Variants in GK5 observed in about 807,000 individuals in gnomAD.
The protein encoded by GK5 is glycerol kinase 5.
GK5 carries 39 observed loss-of-function variants against 77.3 expected under a neutral mutation model. The ratio of observed to expected loss-of-function variants is 0.50; its 90% CI spans 0.39 to 0.66. The LOEUF is 0.66. Ranked by LOEUF, GK5 falls within the 30% of genes least tolerant of loss-of-function variation. The pLI is 0.00. For synonymous variants in GK5, 211 were observed against 208.0 expected, an observed-to-expected ratio of 1.01 and a Z score of -0.13; for missense variants, 487 against 633.8, an observed-to-expected ratio of 0.77 and a Z score of 2.49.
chr3:142,213,469 G>T, intron 3 of GK5, 57 bp downstream of exon 3: 1 of 983,802 alleles, frequency 1.0e-6, no homozygotes, highest in East Asian at 2.4e-5. Context: ...TTTCATAACC[G>T]TGTACTCACT....
At chr3:142,166,266 GA>G (rs1187607276) in intron 15 of GK5, among the ~76,000 whole-genome samples, 3 of 147,982 alleles carry the variant, frequency 2.0e-5, no homozygotes, top group East Asian at 4.0e-4. Flanking sequence ...AAAAACAGAA[GA>G]AAAAAAAAGA....
intron 11 of GK5, among the ~76,000 whole-genome samples, chr3:142,180,174 G>A (rs990420595): frequency 1.4e-4 from 22 of 152,242 alleles, no homozygotes; most frequent in Admixed American, 3.9e-4. Flanking sequence ...CTTCCCGTGC[G>A]CCCACTCCCC....
chr3:142,198,661 A>C, intron 5 of GK5, 141 bp downstream of exon 5: 1 of 678,204 alleles, frequency 1.5e-6, no homozygotes, highest in East Asian at 3.2e-5. Context: ...TTTGTCTTCC[A>C]TTCCAATATG....
At chr3:142,200,370 G>A (rs575839909) in intron 4 of GK5, among the ~76,000 whole-genome samples, 2 of 152,254 alleles carry the variant, frequency 1.3e-5, no homozygotes, top group South Asian at 4.2e-4. Context: ...GTTTCACCAT[G>A]TTGGCCAGGC....
chr3:142,203,562 C>T (rs571872945), intron 4 of GK5, among the ~76,000 whole-genome samples: 68 of 152,258 alleles, frequency 4.5e-4, no homozygotes, highest in Non-Finnish European at 6.3e-4. Flanking sequence ...ATCATCAGGT[C>T]AGGAGATCGA....
chr3:142,167,777 C>T (rs568432266), intron 15 of GK5, among the ~76,000 whole-genome samples: 87 of 152,298 alleles, frequency 5.7e-4, no homozygotes, highest in Admixed American at 5.6e-3. Flanking sequence ...TTTGGGATGC[C>T]AAAGCGAGTG....
At chr3:142,213,400 A>C in intron 3 of GK5, 126 bp downstream of exon 3, 1 of 662,380 alleles carries the variant, frequency 1.5e-6, no homozygotes. Flanking sequence ...GGCACATTTC[A>C]TCCCTCTTAA....
chr3:142,224,504 T>G (rs1411463628), intron 1 of GK5, among the ~76,000 whole-genome samples: 1 of 152,264 alleles, frequency 6.6e-6, no homozygotes, highest in Non-Finnish European at 1.5e-5. Context: ...ACTTCATTAA[T>G]ATGAGAACAG....
At chr3:142,186,633 T>A in intron 6 of GK5, 120 bp from the exon 7 acceptor site, 3 of 345,608 alleles carry the variant, frequency 8.7e-6, no homozygotes, top group East Asian at 5.4e-5. Context: ...GTATTTTCTT[T>A]TTTTTTTTTT....
intron 5 of GK5, among the ~76,000 whole-genome samples, chr3:142,188,764 G>T (rs1052885526): frequency 1.3e-5 from 2 of 152,124 alleles, no homozygotes; most frequent in East Asian, 3.8e-4. Context: ...TGTTGCCTAC[G>T]GCTGCTTTCA....
intron 4 of GK5, among the ~76,000 whole-genome samples, chr3:142,200,931 TAAG>T (rs2064011956): frequency 6.6e-6 from 1 of 152,200 alleles, no homozygotes; most frequent in African/African-American, 2.4e-5. Context: ...AGTCAATAAA[TAAG>T]ATGATTTAAG....
intron 11 of GK5, among the ~76,000 whole-genome samples, chr3:142,178,316 A>T (rs1289792574): frequency 1.3e-5 from 2 of 152,144 alleles, no homozygotes; most frequent in African/African-American, 2.4e-5. Context: ...TAACTGAAAT[A>T]CTCCATCTAA....
rs78006052 is a variant in GK5 at position 142,201,627 on chromosome 3, C to T, written c.412-2694G>A. 6.9e-4 allele frequency among the ~76,000 whole-genome samples: 105 copies of T among 152,204 alleles called. No homozygotes were observed. In the East Asian group the frequency reaches 0.017, roughly 25 times the overall value. ...ACAGATAGGAAAAAATTGTATAGAA[C>T]TTATATACATACACATACACACACA... On this transcript the variant is annotated intron_variant, in intron 4 of 15. Transcript: ENST00000392993.
chr3:142,157,956 T>G lies in GK5; in HGVS notation c.*7666A>C, dbSNP rs1343469982. The G allele has an allele frequency of 7.0e-6, 1 of 142,122 alleles. No individual in the cohort carries two copies. The highest frequency in any genetic ancestry group is 1.5e-5 in the Non-Finnish European group (1 of 67,026). 8.8% of individuals were successfully genotyped at this position (142,122 alleles called of 1,614,324 possible). A position where few individuals can be genotyped will look rare whatever the true frequency, so the allele number is the denominator to read the frequency against. On this transcript the variant is annotated 3_prime_UTR_variant, in exon 16 of 16. Transcript: ENST00000392993. ...TTTTTGTTGTTGTTGTTGTTGTTTT[T>G]GTTTTTTTTTTTTGAGATGGAGTCT...
Position 142,186,506 on chromosome 3 carries a change from T to C in GK5, c.627A>G (p.Val209=), listed in dbSNP as rs2063773163. 4 of 1,511,480 alleles carry C rather than the reference T, an allele frequency of 2.6e-6. No individual in the cohort carries two copies. Among genetic ancestry groups the C allele is most frequent in the East Asian group, 2.3e-5 (1 of 43,574 alleles). 93.6% of individuals were successfully genotyped at this position (1,511,480 alleles called of 1,614,324 possible). ...TAGCATTTGAAAAATCTGTGGCATA[T>C]ACAGAACCTAAATTTAAATAGGAAA... ...WLLYKLTKGS[V]YATDFSNAST... Residue 209 remains valine, a synonymous_variant, in exon 7 of 16, where the codon GTA becomes GTG. Transcript: ENST00000392993.
intron 14 of GK5, 110 bp from the exon 15 acceptor site, chr3:142,170,568 T>A: frequency 1.1e-6 from 1 of 881,590 alleles, no homozygotes. Flanking sequence ...TAAATTTTAC[T>A]TTTTAATTCT....
intron 4 of GK5, among the ~76,000 whole-genome samples, chr3:142,201,019 A>G (rs2064013128): frequency 1.3e-5 from 2 of 152,374 alleles, no homozygotes; most frequent in South Asian, 2.1e-4. Flanking sequence ...ATGTTAAAAT[A>G]TAACTTATAC....
In GK5 at chr3:142,196,461, T is replaced by C. The variant is rs536439631; in HGVS notation, c.543+2341A>G. ...TCTTCTACATGTAATATCATTTTGC[T>C]ATAAATTTCCTTCTAAGTACTTTAT... On this transcript the variant is annotated intron_variant, in intron 5 of 15. Transcript: ENST00000392993. 4.7e-4 allele frequency among the ~76,000 whole-genome samples: 71 copies of C among 152,308 alleles called. 1 individual carries two copies. The highest frequency in any genetic ancestry group is 7.8e-4 in the Admixed American group (12 of 15,296).
chr3:142,174,825 GA>G (rs1175811909), intron 12 of GK5, among the ~76,000 whole-genome samples: 1 of 152,174 alleles, frequency 6.6e-6, no homozygotes, highest in Non-Finnish European at 1.5e-5. Context: ...TCTCTGCCCT[GA>G]AAACCAAAAC....
Sources: allele counts gnomAD v4.1 joint callset (sites outside exome capture counted in the v4.1 genomes callset), GRCh38; gene constraint gnomAD v4.1.1; transcripts MANE v1.5; gene names NCBI Gene and HGNC (gene_info 2026-07-23, HGNC 2026-07-21).